SNCAIP: variants seen among roughly 807,000 people sequenced by gnomAD.
SNCAIP encodes the protein synphilin-1.
In SNCAIP, 43 loss-of-function variants were observed where a neutral mutation model predicts 86.7. The ratio of observed to expected loss-of-function variants is 0.50; its 90% confidence interval spans 0.39 to 0.64. The LOEUF (loss-of-function observed/expected upper bound fraction) is 0.64. Among genes scored for constraint, SNCAIP ranks in the 30% least tolerant of loss-of-function variants. The pLI, the probability that SNCAIP is intolerant of heterozygous loss-of-function variation, is 0.00. For missense variants in SNCAIP, 981 were observed against 1,103.1 expected (o/e 0.89, Z 1.57); for synonymous variants, 417 against 427.2 (o/e 0.98, Z 0.29).
chr5:122,425,542 G>T lies in SNCAIP; in HGVS notation c.1182+11G>T. ...GGCCTGGCCATTAAGGTGACTGGTT[G>T]GGGGCTGGAACCTCCACAGCTAGAA... On this transcript the variant is annotated intron_variant, in intron 5 of 10. Coordinates refer to ENST00000261368, the MANE Select transcript of SNCAIP (RefSeq NM_005460.4). 6.2e-7 allele frequency: 1 copy of T among 1,611,810 alleles called. No homozygotes were observed. Among genetic ancestry groups the T allele is most frequent in the Non-Finnish European group, 8.5e-7 (1 of 1,178,030 alleles).
intron 7 of SNCAIP, 30 bp downstream of exon 7, chr5:122,440,784 A>C (rs1561777773): frequency 6.2e-7 from 1 of 1,601,124 alleles, no homozygotes; most frequent in Admixed American, 1.7e-5. Context: ...TTGCAATGAG[A>C]AATGAGTATA....
intron 1 of SNCAIP, among the ~76,000 whole-genome samples, chr5:122,368,785 AG>A (rs1763682219): frequency 6.6e-6 from 1 of 152,218 alleles, no homozygotes; most frequent in Non-Finnish European, 1.5e-5. Context: ...GGCCCCAGCC[AG>A]CCTGAAGTTT....
intron 2 of SNCAIP, among the ~76,000 whole-genome samples, chr5:122,397,593 T>G (rs908987309): frequency 6.6e-6 from 1 of 152,176 alleles, no homozygotes; most frequent in Admixed American, 6.5e-5. Flanking sequence ...TAGGATTAGT[T>G]ATAATAATTT....
At chr5:122,350,371 C>G (rs1759505302) in intron 1 of SNCAIP, among the ~76,000 whole-genome samples, 1 of 152,034 alleles carries the variant, frequency 6.6e-6, no homozygotes, top group African/African-American at 2.4e-5. Flanking sequence ...TTTAAGATGA[C>G]ATAATTTTTT....
At chr5:122,317,904 T>C (rs1231342277) in intron 1 of SNCAIP, among the ~76,000 whole-genome samples, 1 of 152,074 alleles carries the variant, frequency 6.6e-6, no homozygotes, top group Non-Finnish European at 1.5e-5. Context: ...CATGTTTCAC[T>C]CTTCCCAAGT....
intron 2 of SNCAIP, among the ~76,000 whole-genome samples, chr5:122,402,761 G>A (rs961041355): frequency 4.6e-5 from 7 of 152,116 alleles, no homozygotes; most frequent in African/African-American, 1.7e-4. Flanking sequence ...TGAGTTTCCT[G>A]TGATCATTTT....
chr5:122,448,969 T>C (rs1453135311), intron 8 of SNCAIP, among the ~76,000 whole-genome samples: 3 of 149,808 alleles, frequency 2.0e-5, no homozygotes, highest in African/African-American at 4.9e-5. Flanking sequence ...TGAGCCGAGA[T>C]AGCACCACTG....
At position 122,449,906 on chromosome 5, in the gene SNCAIP, T is replaced by C; in HGVS notation, c.1654T>C (p.Ser552Pro). 1 of 1,613,740 alleles carries C rather than the reference T, an allele frequency of 6.2e-7. No homozygotes were observed. Among genetic ancestry groups the C allele is most frequent in the Non-Finnish European group, 8.5e-7 (1 of 1,179,696 alleles). The part of the protein sequence containing the change: ...QLQQFLEAQK[S>P]EGKSLPSSPS... ...CCAACAATTTCTAGAAGCCCAGAAATCAGAGGGCAAGTCACTCCCTTCTTC... is the reference window on the plus strand; with the variant it reads ...CCAACAATTTCTAGAAGCCCAGAAACCAGAGGGCAAGTCACTCCCTTCTTC... The change falls in exon 9 of 11, where the codon TCA becomes CCA. Residue 552 changes from serine to proline, a missense_variant. Ser to Pro is a moderately conservative substitution (Grantham distance 74, BLOSUM62 -1). Coordinates refer to ENST00000261368, the MANE Select transcript of SNCAIP (RefSeq NM_005460.4).
At chr5:122,328,328 T>C (rs941212468) in intron 1 of SNCAIP, among the ~76,000 whole-genome samples, 5 of 152,244 alleles carry the variant, frequency 3.3e-5, no homozygotes, top group Admixed American at 2.6e-4. Context: ...AGCATTTTGA[T>C]GTTTATCAGC....
intron 9 of SNCAIP, 68 bp from the exon 10 acceptor site, chr5:122,450,465 C>T (rs1783490995): frequency 9.8e-7 from 1 of 1,019,682 alleles, no homozygotes; most frequent in Non-Finnish European, 1.6e-6. Flanking sequence ...CAGTAAAGAC[C>T]ATGTAGTGAC....
rs112693338 is a variant in SNCAIP at position 122,359,870 on chromosome 5, A to C, written c.-46-31219A>C. ...TTCAAAAGCCGAATGATAGACAGCT[A>C]ATGAATCTAGGCTTAAAGATAAAAA... On this transcript the variant is annotated intron_variant, in intron 1 of 10. Transcript: ENST00000261368. Among the ~76,000 whole-genome samples the C allele has an allele frequency of 9.0e-3, 1,373 of 152,306 alleles. 25 individuals carry two copies. Among genetic ancestry groups the C allele is most frequent in the African/African-American group, 0.032 (1,321 of 41,564 alleles).
chr5:122,390,964 G>A, intron 1 of SNCAIP, 125 bp from the exon 2 acceptor site: 1 of 631,040 alleles, frequency 1.6e-6, no homozygotes, highest in East Asian at 2.8e-5. Context: ...GGAAGGAAAT[G>A]TGCTCCAAGG....
intron 1 of SNCAIP, among the ~76,000 whole-genome samples, chr5:122,348,046 A>G (rs1758972918): frequency 6.6e-6 from 1 of 152,174 alleles, no homozygotes; most frequent in Non-Finnish European, 1.5e-5. Flanking sequence ...CTTAAAAATG[A>G]TAGAAATGTT....
At chr5:122,372,489 A>G (rs1008635116) in intron 1 of SNCAIP, among the ~76,000 whole-genome samples, 2 of 152,204 alleles carry the variant, frequency 1.3e-5, no homozygotes, top group African/African-American at 2.4e-5. Flanking sequence ...AAAACCTACA[A>G]GCAAATGCAG....
At chr5:122,392,230 A>G (rs753901036) in intron 2 of SNCAIP, among the ~76,000 whole-genome samples, 1 of 152,198 alleles carries the variant, frequency 6.6e-6, no homozygotes, top group Non-Finnish European at 1.5e-5. Context: ...CACCTATTTT[A>G]TACAAACTTG....
In SNCAIP at chr5:122,449,029, A is replaced by G. The variant is rs545674835; in HGVS notation, c.1593-816A>G. Reference sequence around the variant, plus strand: ...AGACTCCGACTCAAAAAAAAAAATGAGGTTACAGATGCTCCTAAATTTACC... The same window carrying G: ...AGACTCCGACTCAAAAAAAAAAATGGGGTTACAGATGCTCCTAAATTTACC... On this transcript the variant is annotated intron_variant, in intron 8 of 10. Coordinates refer to ENST00000261368, the MANE Select transcript of SNCAIP (RefSeq NM_005460.4). Among the ~76,000 whole-genome samples the G allele has an allele frequency of 3.0e-3, 451 of 151,968 alleles. 2 individuals are homozygous for G. The highest frequency in any genetic ancestry group is 0.01 in the African/African-American group (424 of 41,458).
At chr5:122,321,150 A>T (rs1444673825) in intron 1 of SNCAIP, 15 of 152,218 alleles carry the variant, frequency 9.9e-5, no homozygotes, top group Admixed American at 9.8e-4. Context: ...AGGCGCGCTT[A>T]AAAAAGTAAA....
At chr5:122,316,501 A>G (rs1005995744) in intron 1 of SNCAIP, among the ~76,000 whole-genome samples, 5 of 152,200 alleles carry the variant, frequency 3.3e-5, no homozygotes, top group African/African-American at 1.2e-4. Flanking sequence ...CCACAGATGA[A>G]CACTTGAAGA....
intron 10 of SNCAIP, among the ~76,000 whole-genome samples, chr5:122,455,557 C>G (rs560748193): frequency 6.6e-6 from 1 of 152,068 alleles, no homozygotes; most frequent in Non-Finnish European, 1.5e-5. Context: ...GAGTTGGGGC[C>G]AAATGTTATT....
Sources: gnomAD v4.1 joint callset for allele counts (sites outside exome capture counted in the v4.1 genomes callset) on GRCh38, gnomAD v4.1.1 for gene constraint, MANE v1.5 for transcripts, NCBI Gene and HGNC (gene_info 2026-07-23, HGNC 2026-07-21) for gene names.